The following NCOA6 variants were observed in gnomAD, a reference collection of about 807,000 sequenced individuals.
The protein encoded by NCOA6 is NRC RAP250.
In NCOA6, 49 loss-of-function variants were observed where a neutral mutation model predicts 171.4. The observed-to-expected ratio is 0.29, with a 90% CI of 0.23 to 0.36. The LOEUF (loss-of-function observed/expected upper bound fraction) is 0.36, where lower values mean the gene tolerates loss of function less well. Among genes scored for constraint, NCOA6 ranks in the 10% least tolerant of loss-of-function variants. The pLI is 1.00. For synonymous variants in NCOA6, 910 were observed against 927.5 expected, an observed-to-expected ratio of 0.98 and a Z score of 0.34; for missense variants, 2,248 against 2,554.5, an observed-to-expected ratio of 0.88 and a Z score of 2.59.
chr20:34,808,664 C>G (rs1371209772), intron 1 of NCOA6, among the ~76,000 whole-genome samples: 1 of 152,116 alleles, frequency 6.6e-6, no homozygotes, highest in Non-Finnish European at 1.5e-5. Flanking sequence ...TCTTGAACCC[C>G]TGACCTCAGG....
intron 2 of NCOA6, among the ~76,000 whole-genome samples, chr20:34,785,571 A>T (rs1007562381): frequency 1.3e-5 from 2 of 152,170 alleles, no homozygotes; most frequent in African/African-American, 4.8e-5. Flanking sequence ...AAAACTAATG[A>T]AGATTTTTAG....
At chr20:34,766,538 G>T (rs1173259374) in intron 5 of NCOA6, among the ~76,000 whole-genome samples, 2 of 151,960 alleles carry the variant, frequency 1.3e-5, no homozygotes, top group Non-Finnish European at 2.9e-5. Flanking sequence ...GAGACAGGAG[G>T]AACACTTGAC....
chr20:34,770,695 A>G (rs1024399390), intron 4 of NCOA6, among the ~76,000 whole-genome samples: 7 of 150,638 alleles, frequency 4.6e-5, no homozygotes, highest in Non-Finnish European at 1.0e-4. Context: ...CAATGGCGCG[A>G]TCTCGGATCA....
chr20:34,819,544 A>T (rs2078940939), intron 1 of NCOA6: 1 of 152,222 alleles, frequency 6.6e-6, no homozygotes, highest in Non-Finnish European at 1.5e-5. Flanking sequence ...CTATCCTAGC[A>T]GATAATCTAA....
chr20:34,717,398 C>T (rs748606272), intron 14 of NCOA6, among the ~76,000 whole-genome samples: 7 of 151,938 alleles, frequency 4.6e-5, no homozygotes, highest in Non-Finnish European at 7.4e-5. Flanking sequence ...TGTGGTGAGC[C>T]GAGATTGCGC....
intron 8 of NCOA6, 79 bp downstream of exon 8, chr20:34,754,643 T>C: frequency 6.5e-7 from 1 of 1,540,918 alleles, no homozygotes; most frequent in South Asian, 1.1e-5. Context: ...TTATTACTTA[T>C]CTGTATACTC....
At chr20:34,760,371 G>C (rs1341767168) in intron 5 of NCOA6, among the ~76,000 whole-genome samples, 1 of 152,176 alleles carries the variant, frequency 6.6e-6, no homozygotes, top group Non-Finnish European at 1.5e-5. Context: ...GACTAAGTTG[G>C]CCAAAGCACA....
At chr20:34,819,764 A>C (rs1444431320) in intron 1 of NCOA6, 1 of 152,232 alleles carries the variant, frequency 6.6e-6, no homozygotes, top group African/African-American at 2.4e-5. Flanking sequence ...CTAGGTGCCA[A>C]GCACTGTTTT....
chr20:34,730,068 A>C (rs1990427571), intron 13 of NCOA6, among the ~76,000 whole-genome samples: 1 of 57,412 alleles, frequency 1.7e-5, no homozygotes, highest in South Asian at 3.8e-4. Context: ...TTTTAAAAAA[A>C]ATTTTTGTTT....
intron 1 of NCOA6, among the ~76,000 whole-genome samples, chr20:34,808,148 CAAAAAGAAAAAAA>C (rs1179218154): frequency 6.7e-6 from 1 of 148,214 alleles, no homozygotes; most frequent in East Asian, 2.0e-4. Context: ...GATTCCGTCT[CAAAAAGAAAAAAA>C]AAAAAGAAAC....
chr20:34,749,848 T>C lies in NCOA6; in HGVS notation c.2347A>G (p.Ile783Val), dbSNP rs201409045. ...GGTGGCCGCAGGACCTGTCCCTGAA[T>C]GCCCATAACCTGAGATGGACTGTTG... ...VNNSPSQVMG[I>V]QGQVLRPPGP... is the part of the protein sequence containing the mutation. The change falls in exon 9 of 15, where the codon ATT (isoleucine) becomes GTT (valine). Residue 783 changes from isoleucine (I) to valine (V), a missense_variant. Ile to Val is a conservative substitution (Grantham distance 29). Around this residue, in one of 7 missense-constraint regions of NCOA6, gnomAD observed 987 missense variants for 1,104.7 expected, o/e 0.89. Transcript: ENST00000359003. 6.2e-7 allele frequency: 1 copy of C among 1,614,230 alleles called. No individual in the cohort carries two copies. Among genetic ancestry groups the C allele is most frequent in the East Asian group, 2.2e-5 (1 of 44,888 alleles).
At chr20:34,798,665 G>A (rs537991388) in intron 1 of NCOA6, among the ~76,000 whole-genome samples, 24 of 152,302 alleles carry the variant, frequency 1.6e-4, no homozygotes, top group South Asian at 6.2e-4. Context: ...TAAGAGGAGA[G>A]AACAAGAGTC....
intron 8 of NCOA6, among the ~76,000 whole-genome samples, chr20:34,752,561 A>G (rs979698117): frequency 7.2e-5 from 11 of 152,184 alleles, no homozygotes; most frequent in Non-Finnish European, 1.2e-4. Flanking sequence ...TAACAAGAGA[A>G]AGTAGGGTGA....
At chr20:34,719,465 T>C (rs1217299573) in intron 14 of NCOA6, among the ~76,000 whole-genome samples, 1 of 152,022 alleles carries the variant, frequency 6.6e-6, no homozygotes, top group East Asian at 1.9e-4. Context: ...ACCCCATCTC[T>C]TCTAAAAATA....
intron 7 of NCOA6, among the ~76,000 whole-genome samples, chr20:34,755,254 C>G (rs1163099828): frequency 6.6e-6 from 1 of 152,154 alleles, no homozygotes; most frequent in Non-Finnish European, 1.5e-5. Flanking sequence ...ATGCTAAATT[C>G]TCTCATTTCA....
chr20:34,774,938 CTT>C (rs2077260986), intron 4 of NCOA6, among the ~76,000 whole-genome samples: 1 of 152,270 alleles, frequency 6.6e-6, no homozygotes, highest in Admixed American at 6.5e-5. Context: ...GAGAAACAAA[CTT>C]TTGTGAGAGC....
At chr20:34,766,360 T>C (rs1296119785) in intron 5 of NCOA6, among the ~76,000 whole-genome samples, 1 of 152,102 alleles carries the variant, frequency 6.6e-6, no homozygotes, top group Admixed American at 6.5e-5. Context: ...TTCATGCCTG[T>C]AATCCCAGCA....
intron 5 of NCOA6, among the ~76,000 whole-genome samples, chr20:34,764,702 A>G (rs962108134): frequency 6.6e-5 from 10 of 151,966 alleles, no homozygotes; most frequent in Admixed American, 3.3e-4. Context: ...AAAAAAAGTT[A>G]TATTTTAAGT....
chr20:34,812,964 A>T (rs913655792), intron 1 of NCOA6, among the ~76,000 whole-genome samples: 3 of 152,188 alleles, frequency 2.0e-5, no homozygotes, highest in Admixed American at 6.5e-5. Context: ...GTTGGAGGCC[A>T]GCCTGGCCAA....
Sources: allele counts gnomAD v4.1 joint callset (sites outside exome capture counted in the v4.1 genomes callset), GRCh38; gene constraint gnomAD v4.1.1; regional missense constraint gnomAD v4.1.1; transcripts MANE v1.5; gene names NCBI Gene and HGNC (gene_info 2026-07-23, HGNC 2026-07-21).